Variants in TP53BP1 observed in about 807,000 individuals in gnomAD.
The protein encoded by TP53BP1 is TP53-binding protein 1.
TP53BP1 carries 61 observed loss-of-function variants against 200.8 expected under a neutral mutation model. That is an observed-to-expected ratio of 0.30 (90% confidence interval 0.25 to 0.38). The LOEUF is 0.38. Ranked by LOEUF, TP53BP1 falls within the 10% of genes least tolerant of loss-of-function variation. The pLI, the probability that TP53BP1 is intolerant of heterozygous loss-of-function variation, is 1.00. For missense variants in TP53BP1, 2,144 were observed against 2,371.9 expected (o/e 0.90, Z 2.00); for synonymous variants, 822 against 844.3 (o/e 0.97, Z 0.46).
At chr15:43,445,298 T>C (rs2046016240) in intron 14 of TP53BP1, among the ~76,000 whole-genome samples, 2 of 152,156 alleles carry the variant, frequency 1.3e-5, no homozygotes, top group Non-Finnish European at 2.9e-5. Context: ...AGTCAAAGTA[T>C]ATTTCCAGAC....
At chr15:43,505,690 G>T (rs1009225564) in intron 1 of TP53BP1, among the ~76,000 whole-genome samples, 1 of 152,198 alleles carries the variant, frequency 6.6e-6, no homozygotes, top group African/African-American at 2.4e-5. Flanking sequence ...CTGTGGCCCA[G>T]ACATAGTAAT....
intron 8 of TP53BP1, among the ~76,000 whole-genome samples, chr15:43,476,233 C>T (rs2078879467): frequency 6.6e-6 from 1 of 152,072 alleles, no homozygotes. Context: ...CCACTGCACT[C>T]CAGCCTGGGC....
intron 25 of TP53BP1, 134 bp downstream of exon 25, chr15:43,409,513 T>G (rs557274346): frequency 2.0e-4 from 108 of 529,790 alleles, no homozygotes; most frequent in South Asian, 1.8e-3. Context: ...CAAAAACATT[T>G]TGGCAGTTTC....
chr15:43,440,260 T>C (rs779475825), intron 15 of TP53BP1, among the ~76,000 whole-genome samples: 1 of 152,138 alleles, frequency 6.6e-6, no homozygotes, highest in African/African-American at 2.4e-5. Context: ...CAGTTTGCCA[T>C]TGTCCTCAAC....
intron 20 of TP53BP1, 83 bp from the exon 21 acceptor site, chr15:43,420,818 C>T (rs2045378547): frequency 5.9e-6 from 8 of 1,357,306 alleles, no homozygotes; most frequent in Non-Finnish European, 8.0e-6. Context: ...ACTCCTTTGT[C>T]CATGGGTCTC....
chr15:43,481,187 A>G (rs2078959646), intron 4 of TP53BP1, among the ~76,000 whole-genome samples, 165 bp from the exon 5 acceptor site: 1 of 152,216 alleles, frequency 6.6e-6, no homozygotes, highest in Non-Finnish European at 1.5e-5. Flanking sequence ...CTAAAAGATT[A>G]ACAATTCAAC....
chr15:43,471,505 C>A (rs879473210), intron 10 of TP53BP1, among the ~76,000 whole-genome samples: 5 of 152,084 alleles, frequency 3.3e-5, no homozygotes, highest in Admixed American at 6.5e-5. Flanking sequence ...TGGCTCACTG[C>A]AACCTCCGCC....
chr15:43,461,098 C>T (rs187584172), intron 11 of TP53BP1, among the ~76,000 whole-genome samples: 36 of 152,158 alleles, frequency 2.4e-4, no homozygotes, highest in Admixed American at 2.1e-3. Context: ...TCCAATAATT[C>T]CATTTCTGGG....
intron 5 of TP53BP1, 107 bp downstream of exon 5, chr15:43,480,788 T>C: frequency 1.6e-6 from 2 of 1,233,662 alleles, no homozygotes; most frequent in East Asian, 2.4e-5. Flanking sequence ...CTCAATTTAA[T>C]TATGAGAAAT....
At chr15:43,439,143 C>T (rs952517406) in intron 15 of TP53BP1, among the ~76,000 whole-genome samples, 1 of 152,158 alleles carries the variant, frequency 6.6e-6, no homozygotes, top group African/African-American at 2.4e-5. Context: ...ATACTACTCT[C>T]TCTACTTTCG....
At chr15:43,497,940 T>C (rs2079190487), upstream of TP53BP1, among the ~76,000 whole-genome samples, 1 of 152,226 alleles carries the variant, frequency 6.6e-6, no homozygotes, top group Non-Finnish European at 1.5e-5. Flanking sequence ...TAAACTTTAA[T>C]ATTTAAAGAT....
intron 1 of TP53BP1, chr15:43,510,274 C>A (rs2079265577): frequency 6.6e-6 from 1 of 152,246 alleles, no homozygotes; most frequent in Non-Finnish European, 1.5e-5. Context: ...TACTCAAATC[C>A]CCCTTGCTGC....
intron 17 of TP53BP1, among the ~76,000 whole-genome samples, chr15:43,431,294 T>C (rs1258145061): frequency 2.6e-5 from 4 of 152,156 alleles, no homozygotes; most frequent in Non-Finnish European, 5.9e-5. Flanking sequence ...CAGAGACTAC[T>C]GTTTACTAGT....
intron 4 of TP53BP1, among the ~76,000 whole-genome samples, chr15:43,485,312 G>T (rs972196035): frequency 1.3e-5 from 2 of 151,996 alleles, no homozygotes; most frequent in Non-Finnish European, 2.9e-5. Flanking sequence ...GCACGGTGGC[G>T]CATGCCTGTA....
At chr15:43,421,209 T>G in intron 19 of TP53BP1, 35 bp from the exon 20 acceptor site, 1 of 1,607,678 alleles carries the variant, frequency 6.2e-7, no homozygotes, top group Non-Finnish European at 8.5e-7. Context: ...TGATAGCACC[T>G]GCTACTGAAT....
At chr15:43,432,824 G>A in intron 16 of TP53BP1, 147 bp from the exon 17 acceptor site, 1 of 837,552 alleles carries the variant, frequency 1.2e-6, no homozygotes, top group East Asian at 2.7e-5. Flanking sequence ...AGAAAGTCAG[G>A]TAGTCAAGCA....
chr15:43,420,397 C>G lies in TP53BP1; in HGVS notation c.4589G>C (p.Cys1530Ser). Residue 1530 changes from cysteine (C) to serine (S), a missense_variant, in exon 21 of 28, where the codon TGT (cysteine) becomes TCT (serine). By Grantham distance (112) the Cys-to-Ser change is moderately radical (BLOSUM62 -1). Around this residue, in one of 4 missense-constraint regions of TP53BP1, gnomAD observed 61 missense variants for 147.5 expected, o/e 0.41. Coordinates refer to ENST00000382044, the MANE Select transcript of TP53BP1 (RefSeq NM_001141980.3). ...YKLLFDDGYE[C>S]DVLGKDILLC... is the part of the protein sequence containing the mutation. ...CAGAATGTCTTTGCCCAACACATCA[C>G]ATTCGTACCCATCATCAAAGAGCAA... The G allele has an allele frequency of 6.2e-7, 1 of 1,614,190 alleles. No homozygotes were observed. Among genetic ancestry groups the G allele is most frequent in the Non-Finnish European group, 8.5e-7 (1 of 1,180,036 alleles).
chr15:43,420,235 T>C (rs2045362813), intron 21 of TP53BP1, 70 bp downstream of exon 21: 1 of 1,402,652 alleles, frequency 7.1e-7, no homozygotes, highest in East Asian at 2.3e-5. Flanking sequence ...TCTTGGTAAC[T>C]ACTAACATAA....
At position 43,406,438 on chromosome 15, in the gene TP53BP1, T is replaced by C. The variant is rs1008340239; in HGVS notation, c.*945A>G. The C allele has an allele frequency of 1.4e-5, 5 of 350,212 alleles. No homozygotes were observed. Among genetic ancestry groups the C allele is most frequent in the South Asian group, 4.6e-5 (2 of 43,832 alleles). The allele number at this position is 350,212 out of a possible 1,614,324, so 21.7% of individuals were successfully genotyped here. A position where few individuals can be genotyped will look rare whatever the true frequency, so the allele number is the denominator to read the frequency against. ...CTCTGGAGCAGGAGCTGGCAAACTA[T>C]GGCCTGCTGTCTGTTTTTGTACAGT... On this transcript the variant is annotated 3_prime_UTR_variant, in exon 28 of 28. Transcript: ENST00000382044.
Sources: gnomAD v4.1 joint callset for allele counts (sites outside exome capture counted in the v4.1 genomes callset) on GRCh38, gnomAD v4.1.1 for gene constraint, gnomAD v4.1.1 regional missense constraint, MANE v1.5 for transcripts, NCBI Gene and HGNC (gene_info 2026-07-23, HGNC 2026-07-21) for gene names.